Variants in KLF12 observed in about 807,000 individuals in gnomAD.
The protein encoded by KLF12 is KLF transcription factor 12.
A neutral mutation model predicts 37.8 loss-of-function variants in KLF12; 9 were observed. The observed-to-expected ratio is 0.24, with a 90% CI of 0.14 to 0.42. KLF12 has a LOEUF of 0.42. Ranked by LOEUF, KLF12 falls within the 10% of genes least tolerant of loss-of-function variation. KLF12 has a pLI of 1.00. For missense variants in KLF12, 411 were observed against 516.0 expected (o/e 0.80, Z 1.97); for synonymous variants, 208 against 202.1 (o/e 1.03, Z -0.25).
chr13:73,930,215 T>G (rs887259486), intron 3 of KLF12, among the ~76,000 whole-genome samples: 3 of 152,228 alleles, frequency 2.0e-5, no homozygotes, highest in Non-Finnish European at 4.4e-5. Context: ...TTGAATTTTT[T>G]CCCCACCATT....
chr13:74,049,561 A>T (rs957433625), intron 1 of KLF12, among the ~76,000 whole-genome samples: 2 of 152,192 alleles, frequency 1.3e-5, no homozygotes, highest in African/African-American at 4.8e-5. Context: ...CAACAAGAAA[A>T]TGTTCTTAGA....
At chr13:74,027,374 G>A (rs1893001578) in intron 1 of KLF12, among the ~76,000 whole-genome samples, 1 of 151,900 alleles carries the variant, frequency 6.6e-6, no homozygotes, top group Admixed American at 6.6e-5. Context: ...CCCCCACTTC[G>A]CGATGTCTGT....
the KLF12 span, among the ~76,000 whole-genome samples, chr13:74,227,312 C>T: frequency 1.3e-5 from 2 of 152,116 alleles, no homozygotes; most frequent in African/African-American, 2.4e-5. Context: ...CAGGATTAAA[C>T]CACATTTTGC....
chr13:73,874,556 ATC>A (rs1886616612), intron 3 of KLF12, among the ~76,000 whole-genome samples: 1 of 152,184 alleles, frequency 6.6e-6, no homozygotes, highest in Non-Finnish European at 1.5e-5. Flanking sequence ...CTAAATTGGA[ATC>A]AATCCAATAA....
intron 1 of KLF12, among the ~76,000 whole-genome samples, chr13:74,092,821 C>A (rs986074810): frequency 2.0e-5 from 3 of 152,074 alleles, no homozygotes; most frequent in Non-Finnish European, 4.4e-5. Context: ...TGCAAATAGC[C>A]AACAAGGACA....
chr13:74,277,739 C>T, the KLF12 span, among the ~76,000 whole-genome samples: 1 of 152,072 alleles, frequency 6.6e-6, no homozygotes, highest in East Asian at 1.9e-4. Context: ...TCTTAGGGCA[C>T]AAAACTCTCT....
the KLF12 span, among the ~76,000 whole-genome samples, chr13:74,156,726 T>TTG: frequency 6.6e-6 from 1 of 152,120 alleles, no homozygotes; most frequent in African/African-American, 2.4e-5. Flanking sequence ...CATGTGATAT[T>TTG]TGTCTTTCTG....
intron 4 of KLF12, among the ~76,000 whole-genome samples, chr13:73,820,678 A>C (rs1420221046): frequency 6.6e-6 from 1 of 151,994 alleles, no homozygotes; most frequent in Non-Finnish European, 1.5e-5. Flanking sequence ...TATAATATGC[A>C]ATTTACTCAT....
At chr13:73,987,716 G>T (rs917072481) in intron 2 of KLF12, among the ~76,000 whole-genome samples, 3 of 140,164 alleles carry the variant, frequency 2.1e-5, no homozygotes, top group East Asian at 2.2e-4. Context: ...GAGAGAAAGT[G>T]GGGGGGTAGA....
At chr13:73,869,230 T>C (rs896585953) in intron 3 of KLF12, among the ~76,000 whole-genome samples, 1 of 152,200 alleles carries the variant, frequency 6.6e-6, no homozygotes, top group African/African-American at 2.4e-5. Context: ...AGAATAAAGC[T>C]ATTATATAGA....
upstream of KLF12, among the ~76,000 whole-genome samples, chr13:74,135,360 C>A (rs1475677024): frequency 6.6e-6 from 1 of 151,956 alleles, no homozygotes; most frequent in Non-Finnish European, 1.5e-5. Context: ...CTGCCCCACG[C>A]CCAGAGCGGA....
chr13:73,836,076 A>C (rs1201829178), intron 4 of KLF12, among the ~76,000 whole-genome samples: 2 of 152,296 alleles, frequency 1.3e-5, no homozygotes, highest in East Asian at 3.9e-4. Context: ...GGTCTTGAAA[A>C]ACACATACAA....
At chr13:73,724,628 C>T (rs1876524036) in intron 6 of KLF12, among the ~76,000 whole-genome samples, 1 of 152,036 alleles carries the variant, frequency 6.6e-6, no homozygotes, top group African/African-American at 2.4e-5. Flanking sequence ...GATTTTGTTC[C>T]TGAAAATTTT....
At chr13:74,219,315 T>C in the KLF12 span, among the ~76,000 whole-genome samples, 1 of 152,214 alleles carries the variant, frequency 6.6e-6, no homozygotes, top group Non-Finnish European at 1.5e-5. Flanking sequence ...CATGAGATGC[T>C]TTTTACTTTT....
chr13:73,700,935 T>A (rs1399197894), intron 7 of KLF12, among the ~76,000 whole-genome samples: 6 of 152,128 alleles, frequency 3.9e-5, no homozygotes, highest in Non-Finnish European at 8.8e-5. Flanking sequence ...AACTTCATGA[T>A]GAGAGTAAAA....
the KLF12 span, among the ~76,000 whole-genome samples, chr13:74,251,447 ATCT>A: frequency 2.0e-5 from 3 of 152,084 alleles, no homozygotes; most frequent in Non-Finnish European, 4.4e-5. Context: ...CACCCAGCAA[ATCT>A]TCTGTGATTT....
the KLF12 span, among the ~76,000 whole-genome samples, chr13:74,254,186 G>C: frequency 6.6e-6 from 1 of 152,044 alleles, no homozygotes; most frequent in Admixed American, 6.6e-5. Context: ...TTGCCTTTTA[G>C]TAGTGCTGTT....
chr13:74,128,379 G>T (rs925558203), intron 1 of KLF12, among the ~76,000 whole-genome samples: 2 of 136,628 alleles, frequency 1.5e-5, no homozygotes, highest in African/African-American at 4.9e-5. Flanking sequence ...GGCGGTGGAG[G>T]TATGGCTGGA....
chr13:73,944,977 A>G (rs1197458545), intron 2 of KLF12, among the ~76,000 whole-genome samples: 1 of 152,164 alleles, frequency 6.6e-6, no homozygotes, highest in Admixed American at 6.5e-5. Flanking sequence ...ACAGAACTAA[A>G]TTTGATTGAG....
Sources: gnomAD v4.1 joint callset for allele counts (sites outside exome capture counted in the v4.1 genomes callset) on GRCh38, gnomAD v4.1.1 for gene constraint, MANE v1.5 for transcripts, NCBI Gene and HGNC (gene_info 2026-07-23, HGNC 2026-07-21) for gene names.